Variants in CNTN5 observed in about 807,000 individuals in gnomAD.
CNTN5 encodes the protein contactin-5.
Under a neutral mutation model 129.1 loss-of-function variants are expected in CNTN5, and 77 were observed. The ratio of observed to expected loss-of-function variants is 0.60; its 90% CI spans 0.50 to 0.72. The LOEUF is 0.72. CNTN5 is among the 30% of genes least tolerant of loss of function. The probability of loss-of-function intolerance (pLI) is 0.00; values close to 1 mark genes in which losing one functional copy is unlikely to be tolerated. For synonymous variants in CNTN5, 509 were observed against 465.6 expected, an observed-to-expected ratio of 1.09 and a Z score of -1.20; for missense variants, 1,478 against 1,328.8, an observed-to-expected ratio of 1.11 and a Z score of -1.75.
intron 1 of CNTN5, among the ~76,000 whole-genome samples, chr11:99,202,254 C>T (rs1293133374): frequency 6.6e-6 from 1 of 152,142 alleles, no homozygotes; most frequent in Non-Finnish European, 1.5e-5. Flanking sequence ...AACAATTTAA[C>T]TCAATTAACA....
chr11:99,521,432 T>C (rs1947271630), intron 2 of CNTN5, among the ~76,000 whole-genome samples: 1 of 152,200 alleles, frequency 6.6e-6, no homozygotes, highest in South Asian at 2.1e-4. Flanking sequence ...AAATACTTTG[T>C]AATCTCTAAA....
chr11:99,733,381 A>T (rs927812628), intron 3 of CNTN5, among the ~76,000 whole-genome samples: 1 of 149,680 alleles, frequency 6.7e-6, no homozygotes, highest in Non-Finnish European at 1.5e-5. Flanking sequence ...TGCTGGTTTC[A>T]CTATGTCTCA....
intron 3 of CNTN5, among the ~76,000 whole-genome samples, chr11:99,597,259 T>G (rs1173207092): frequency 6.6e-6 from 1 of 152,160 alleles, no homozygotes; most frequent in East Asian, 1.9e-4. Context: ...TTCTGAAGCC[T>G]CAGCATGCCT....
intron 1 of CNTN5, among the ~76,000 whole-genome samples, chr11:99,107,956 A>G (rs1867083078): frequency 6.6e-6 from 1 of 151,236 alleles, no homozygotes; most frequent in Admixed American, 6.6e-5. Flanking sequence ...AAAAAAAAAA[A>G]AAAAGGAAAC....
At chr11:100,113,104 T>C (rs1162077893) in intron 13 of CNTN5, among the ~76,000 whole-genome samples, 4 of 151,972 alleles carry the variant, frequency 2.6e-5, no homozygotes, top group African/African-American at 7.2e-5. Flanking sequence ...TTAGTCTCTC[T>C]TTAATGATAT....
At chr11:99,806,426 G>A (rs1375867023) in intron 3 of CNTN5, among the ~76,000 whole-genome samples, 1 of 152,148 alleles carries the variant, frequency 6.6e-6, no homozygotes, top group Non-Finnish European at 1.5e-5. Context: ...TACTATGTAT[G>A]TGAGTGAGTG....
At chr11:99,813,238 T>G in intron 3 of CNTN5, among the ~76,000 whole-genome samples, 1 of 152,162 alleles carries the variant, frequency 6.6e-6, no homozygotes, top group East Asian at 1.9e-4. Context: ...ACAAGGAGTC[T>G]GGTCCAGACC....
At chr11:99,803,400 G>T (rs1074477) in intron 3 of CNTN5, among the ~76,000 whole-genome samples, 16,271 of 152,166 alleles carry the variant, frequency 0.11, 1,543 homozygotes, top group East Asian at 0.42. Context: ...TCATAATTCT[G>T]ACTGGAGGTC....
At chr11:99,315,393 T>A (rs1251516264) in intron 1 of CNTN5, among the ~76,000 whole-genome samples, 1 of 149,182 alleles carries the variant, frequency 6.7e-6, no homozygotes, top group African/African-American at 2.4e-5. Flanking sequence ...AAGATGGAAT[T>A]AGAGAAAGAG....
At chr11:99,104,767 A>C (rs1383889930) in intron 1 of CNTN5, among the ~76,000 whole-genome samples, 1 of 152,130 alleles carries the variant, frequency 6.6e-6, no homozygotes, top group East Asian at 1.9e-4. Context: ...GACTGGGGTG[A>C]GGTGAATGAG....
chr11:100,017,450 ATAGTGGTGTGTCTTAAAG>A (rs1352067220), intron 9 of CNTN5, among the ~76,000 whole-genome samples: 2 of 151,982 alleles, frequency 1.3e-5, no homozygotes, highest in East Asian at 3.9e-4. Flanking sequence ...TTTCTTAGAG[ATAGTGGTGTGTCTTAAAG>A]TAGTGGTGTG....
rs112135307 is a variant in CNTN5 at position 99,077,061 on chromosome 11, A to G, written c.-210+55791A>G. 3.7e-4 allele frequency among the ~76,000 whole-genome samples: 56 copies of G among 152,318 alleles called. 1 individual carries two copies. The highest frequency in any genetic ancestry group is 1.3e-3 in the African/African-American group (53 of 41,570). ...TTTCTTCTCATACTAAGTAGACAGG[A>G]TAAGTGGTGCTAGCAGTTGCATTTT... On this transcript the variant is annotated intron_variant, in intron 1 of 24. Coordinates refer to ENST00000524871, the MANE Select transcript of CNTN5 (RefSeq NM_014361.4).
chr11:99,682,788 A>C (rs146936761), intron 3 of CNTN5, among the ~76,000 whole-genome samples: 1 of 152,050 alleles, frequency 6.6e-6, no homozygotes, highest in Non-Finnish European at 1.5e-5. Flanking sequence ...AAGACAACAA[A>C]CCTAATATGA....
intron 1 of CNTN5, among the ~76,000 whole-genome samples, chr11:99,259,749 G>A (rs115795533): frequency 2.6e-5 from 4 of 151,862 alleles, no homozygotes; most frequent in Admixed American, 6.6e-5. Context: ...CACATTTCTA[G>A]GAGTATTGAA....
chr11:99,585,331 T>C (rs1366963947), intron 3 of CNTN5, among the ~76,000 whole-genome samples: 1 of 152,154 alleles, frequency 6.6e-6, no homozygotes, highest in Admixed American at 6.6e-5. Context: ...GAGAGCAGGG[T>C]TTTCTTTAGC....
At chr11:99,033,403 TG>T (rs199725045) in intron 1 of CNTN5, among the ~76,000 whole-genome samples, 5,034 of 152,308 alleles carry the variant, frequency 0.033, 127 homozygotes, top group Middle Eastern at 0.054. Flanking sequence ...CCCATGAGCA[TG>T]GAATGTTCTT....
At chr11:99,059,406 G>A (rs1299200325) in intron 1 of CNTN5, among the ~76,000 whole-genome samples, 1 of 152,072 alleles carries the variant, frequency 6.6e-6, no homozygotes, top group African/African-American at 2.4e-5. Context: ...AGTGGAAGAT[G>A]CTTCATTGGT....
chr11:99,226,998 A>G (rs17133330), intron 1 of CNTN5, among the ~76,000 whole-genome samples: 2,647 of 152,284 alleles, frequency 0.017, 43 homozygotes, highest in African/African-American at 0.038. Flanking sequence ...TTATCACAGT[A>G]TCATTCACAT....
intron 2 of CNTN5, among the ~76,000 whole-genome samples, chr11:99,411,389 G>GC (rs1460693754): frequency 6.6e-6 from 1 of 152,102 alleles, no homozygotes; most frequent in Admixed American, 6.5e-5. Context: ...GTGTGGTGGT[G>GC]CCCACCTGTA....
Sources: gnomAD v4.1 joint callset for allele counts (sites outside exome capture counted in the v4.1 genomes callset) on GRCh38, gnomAD v4.1.1 for gene constraint, MANE v1.5 for transcripts, NCBI Gene and HGNC (gene_info 2026-07-23, HGNC 2026-07-21) for gene names.